The following RUNDC3B variants were observed in gnomAD, a reference collection of about 807,000 sequenced individuals.
The protein encoded by RUNDC3B is RUN domain-containing protein 3B.
A neutral mutation model predicts 58.4 loss-of-function variants in RUNDC3B; 33 were observed. The ratio of observed to expected loss-of-function variants is 0.56; its 90% CI spans 0.43 to 0.75. The LOEUF (loss-of-function observed/expected upper bound fraction) is 0.75. Among genes scored for constraint, RUNDC3B ranks in the 30% least tolerant of loss-of-function variants. The pLI is 0.00. For missense variants in RUNDC3B, 501 were observed against 535.7 expected (o/e 0.94, Z 0.64); for synonymous variants, 193 against 195.2 (o/e 0.99, Z 0.10).
In RUNDC3B at chr7:87,739,888, AC is replaced by A; in HGVS notation, c.548+10del. ...CAATGCTATTGATTTCAGGTACTTA[AC>A]CAAATGCATTCAGTTTTTAAATTAT... On this transcript the variant is annotated intron_variant, in intron 5 of 10. Transcript: ENST00000394654. 7.1e-7 allele frequency: 1 copy of A among 1,400,254 alleles called. No individual in the cohort carries two copies. The highest frequency in any genetic ancestry group is 1.0e-6 in the Non-Finnish European group (1 of 1,004,276). 86.7% of individuals were successfully genotyped at this position (1,400,254 alleles called of 1,614,324 possible).
intron 7 of RUNDC3B, among the ~76,000 whole-genome samples, chr7:87,773,671 G>GTTTTT (rs778980248): frequency 1.3e-5 from 2 of 151,312 alleles, no homozygotes; most frequent in Non-Finnish European, 2.9e-5. Context: ...GTTTTGTTTT[G>GTTTTT]TTTTGTTTTG....
At chr7:87,755,492 A>G (rs1216463563) in intron 6 of RUNDC3B, among the ~76,000 whole-genome samples, 1 of 152,180 alleles carries the variant, frequency 6.6e-6, no homozygotes, top group East Asian at 1.9e-4. Context: ...AAAATCCTCA[A>G]CAAAATACTG....
chr7:87,668,463 T>A (rs1216346923), intron 2 of RUNDC3B, among the ~76,000 whole-genome samples: 1 of 152,120 alleles, frequency 6.6e-6, no homozygotes, highest in Non-Finnish European at 1.5e-5. Flanking sequence ...TTTGATTGTT[T>A]TTTTTGTGTC....
intron 8 of RUNDC3B, among the ~76,000 whole-genome samples, chr7:87,790,220 G>A (rs1835449453): frequency 6.6e-6 from 1 of 152,172 alleles, no homozygotes; most frequent in African/African-American, 2.4e-5. Context: ...AAGGGAAAAG[G>A]ACAATAGTCT....
intron 2 of RUNDC3B, among the ~76,000 whole-genome samples, chr7:87,661,438 G>C (rs1202055379): frequency 6.7e-6 from 1 of 150,124 alleles, no homozygotes; most frequent in African/African-American, 2.4e-5. Context: ...CCAGCCTCTG[G>C]TAACCATTAT....
Position 87,783,980 on chromosome 7 carries a change from G to C in RUNDC3B, c.956+6025G>C, listed in dbSNP as rs187522370. Reference sequence around the variant, plus strand: ...GCAAGTCTGAAGATTCTGTGTCTTGGGGGTGGTCATCTTGTATAGTATCTC... The same window carrying C: ...GCAAGTCTGAAGATTCTGTGTCTTGCGGGTGGTCATCTTGTATAGTATCTC... On this transcript the variant is annotated intron_variant, in intron 8 of 10. Transcript: ENST00000394654. 4.5e-4 allele frequency among the ~76,000 whole-genome samples: 68 copies of C among 151,914 alleles called. 2 individuals carry two copies. Among genetic ancestry groups the C allele is most frequent in the Non-Finnish European group, 7.4e-5 (5 of 67,938 alleles).
intron 8 of RUNDC3B, among the ~76,000 whole-genome samples, chr7:87,783,713 A>G (rs1835062392): frequency 6.6e-6 from 1 of 152,174 alleles, no homozygotes; most frequent in Admixed American, 6.5e-5. Context: ...GAATTTTCAC[A>G]GTGATTGCTT....
Position 87,733,493 on chromosome 7 carries a change from A to G in RUNDC3B, c.459-6298A>G, listed in dbSNP as rs1368645301. On this transcript the variant is annotated intron_variant, in intron 4 of 10. Transcript: ENST00000394654. ...AAATTAAAACTTTGTGTTTCAGAGG[A>G]CACCATAAAGAAGGTGAAAAGATGA... Among the ~76,000 whole-genome samples the G allele has an allele frequency of 2.0e-5, 3 of 152,218 alleles. No individual in the cohort carries two copies. The East Asian group carries it at 5.8e-4, about 29-fold the overall frequency.
intron 4 of RUNDC3B, among the ~76,000 whole-genome samples, chr7:87,715,888 A>T (rs1268241929): frequency 1.3e-5 from 2 of 152,094 alleles, no homozygotes; most frequent in African/African-American, 2.4e-5. Flanking sequence ...GTATGGAGTA[A>T]GTGCGTGATA....
chr7:87,672,465 A>G (rs2130529354), intron 2 of RUNDC3B, among the ~76,000 whole-genome samples: 1 of 152,172 alleles, frequency 6.6e-6, no homozygotes, highest in South Asian at 2.1e-4. Flanking sequence ...AGTGGGTCTT[A>G]TCTTGTGGGG....
chr7:87,804,159 C>A (rs747216734), intron 8 of RUNDC3B, among the ~76,000 whole-genome samples: 1 of 151,982 alleles, frequency 6.6e-6, no homozygotes, highest in Non-Finnish European at 1.5e-5. Flanking sequence ...GGTAGAAAAC[C>A]AAAAGAACCT....
intron 8 of RUNDC3B, among the ~76,000 whole-genome samples, chr7:87,803,834 T>A (rs540025897): frequency 2.0e-5 from 3 of 152,316 alleles, no homozygotes; most frequent in East Asian, 3.9e-4. Context: ...AAAACTTTAC[T>A]TTTTGTTATG....
chr7:87,717,746 C>A (rs1475480241), intron 4 of RUNDC3B, among the ~76,000 whole-genome samples: 1 of 151,996 alleles, frequency 6.6e-6, no homozygotes, highest in Non-Finnish European at 1.5e-5. Flanking sequence ...AGACTTGTAT[C>A]AAAATTTCAA....
At chr7:87,805,085 A>G (rs1464907584) in intron 8 of RUNDC3B, among the ~76,000 whole-genome samples, 3 of 152,186 alleles carry the variant, frequency 2.0e-5, no homozygotes, top group African/African-American at 7.2e-5. Flanking sequence ...ATAGGCTTAG[A>G]AAGAAGGAGA....
chr7:87,798,715 A>G (rs184648287), intron 8 of RUNDC3B, among the ~76,000 whole-genome samples: 121 of 152,314 alleles, frequency 7.9e-4, no homozygotes, highest in Non-Finnish European at 1.4e-3. Flanking sequence ...ATTACTCATT[A>G]ATGTCTCTTT....
intron 4 of RUNDC3B, among the ~76,000 whole-genome samples, chr7:87,717,572 A>G (rs1334721824): frequency 1.3e-5 from 2 of 152,208 alleles, no homozygotes; most frequent in Non-Finnish European, 2.9e-5. Flanking sequence ...TCTCTGTTAT[A>G]TATTTGAAAG....
chr7:87,776,373 G>A (rs1834627583), intron 7 of RUNDC3B, among the ~76,000 whole-genome samples: 1 of 152,090 alleles, frequency 6.6e-6, no homozygotes, highest in Non-Finnish European at 1.5e-5. Context: ...ATACTATACA[G>A]TTTTTAGAGC....
rs777331491 is a variant in RUNDC3B at position 87,633,743 on chromosome 7, T to C, written c.122+4798T>C. 4.4e-4 allele frequency among the ~76,000 whole-genome samples: 67 copies of C among 152,264 alleles called. 1 individual carries two copies. Among genetic ancestry groups the C allele is most frequent in the Middle Eastern group, 3.4e-3 (1 of 294 alleles). ...CTTTAGAACTCTGAACTTCTTAACA[T>C]TCTGGTGCTAACTAATCAGAAAAAC... On this transcript the variant is annotated intron_variant, in intron 1 of 10. Coordinates refer to ENST00000394654, the MANE Select transcript of RUNDC3B (RefSeq NM_001134405.2).
chr7:87,700,763 G>A (rs1016843788), intron 3 of RUNDC3B, among the ~76,000 whole-genome samples: 1 of 152,154 alleles, frequency 6.6e-6, no homozygotes, highest in Admixed American at 6.5e-5. Flanking sequence ...AGATGTCCAA[G>A]ACCCTTTCTT....
Sources: allele counts gnomAD v4.1 joint callset (sites outside exome capture counted in the v4.1 genomes callset), GRCh38; gene constraint gnomAD v4.1.1; transcripts MANE v1.5; gene names NCBI Gene and HGNC (gene_info 2026-07-23, HGNC 2026-07-21).